The following CDH8 variants were observed in gnomAD, a reference collection of about 807,000 sequenced individuals.
CDH8 encodes the protein cadherin 8, also known as cadherin-8.
In CDH8, 17 loss-of-function variants were observed where a neutral mutation model predicts 68.1. The ratio of observed to expected loss-of-function variants is 0.25; its 90% CI spans 0.17 to 0.37. The LOEUF (loss-of-function observed/expected upper bound fraction) is 0.37, where lower values mean the gene tolerates loss of function less well. CDH8 is among the 10% of genes least tolerant of loss of function. The pLI is 1.00. For missense variants in CDH8, 763 were observed against 999.3 expected (o/e 0.76, Z 3.19); for synonymous variants, 372 against 365.1 (o/e 1.02, Z -0.21).
intron 2 of CDH8, among the ~76,000 whole-genome samples, chr16:61,924,575 T>C (rs1964427389): frequency 6.6e-6 from 1 of 152,122 alleles, no homozygotes; most frequent in African/African-American, 2.4e-5. Flanking sequence ...TGTGTTCTCG[T>C]GTGAAGGTTA....
Position 61,655,574 on chromosome 16 carries a change from T to C in CDH8, c.1802A>G (p.Asn601Ser), listed in dbSNP as rs140833890. ...TLTIRVCGCSNDGVVQSCNVE... is the reference protein window; with the variant it reads ...TLTIRVCGCSSDGVVQSCNVE... ...ATTGCAAGACTGGACGACACCGTCA[T>C]TGCTGCAGCCACAGACCCTGATTGT... The change falls in exon 11 of 12, where the codon AAT (asparagine) becomes AGT (serine). Residue 601 changes from asparagine to serine, a missense_variant. Physicochemically the swap from Asn to Ser is conservative, Grantham distance 46 (BLOSUM62 1). Coordinates refer to ENST00000577390, the MANE Select transcript of CDH8 (RefSeq NM_001796.5). 8 of 1,614,038 alleles carry C rather than the reference T, an allele frequency of 5.0e-6. No homozygotes were observed. Among genetic ancestry groups the C allele is most frequent in the Non-Finnish European group, 6.8e-6 (8 of 1,180,040 alleles).
chr16:61,722,169 A>T (rs1959224527), intron 9 of CDH8, among the ~76,000 whole-genome samples: 1 of 150,766 alleles, frequency 6.6e-6, no homozygotes, highest in Non-Finnish European at 1.5e-5. Context: ...CCATTCTTCT[A>T]ACAAACTGAG....
chr16:61,956,952 T>C (rs1287273598), intron 2 of CDH8, among the ~76,000 whole-genome samples: 1 of 152,212 alleles, frequency 6.6e-6, no homozygotes, highest in Non-Finnish European at 1.5e-5. Context: ...TTCAATAAAA[T>C]GCAGACGCTT....
At chr16:61,737,527 A>C (rs1216537546) in intron 8 of CDH8, among the ~76,000 whole-genome samples, 2 of 152,180 alleles carry the variant, frequency 1.3e-5, no homozygotes, top group African/African-American at 2.4e-5. Context: ...AAATAATGTC[A>C]ATAGTGGGGT....
intron 2 of CDH8, among the ~76,000 whole-genome samples, chr16:62,020,128 C>A (rs1332708107): frequency 6.6e-6 from 1 of 152,156 alleles, no homozygotes; most frequent in Non-Finnish European, 1.5e-5. Flanking sequence ...AGCAGTAATG[C>A]AATCAGAAGT....
chr16:61,927,929 G>A lies in CDH8; in HGVS notation c.253-26456C>T, dbSNP rs544787948. ...TAATACCTATCCCTACACTACATAC[G>A]AACACATGAGAGCTCCATTGCAATA... On this transcript the variant is annotated intron_variant, in intron 2 of 11. Coordinates refer to ENST00000577390, the MANE Select transcript of CDH8 (RefSeq NM_001796.5). Among the ~76,000 whole-genome samples the A allele has an allele frequency of 1.2e-4, 18 of 152,278 alleles. No individual in the cohort carries two copies. The East Asian group carries it at 3.1e-3, about 26-fold the overall frequency.
chr16:62,025,729 A>G (rs561161334), intron 1 of CDH8, among the ~76,000 whole-genome samples: 2 of 152,292 alleles, frequency 1.3e-5, no homozygotes, highest in East Asian at 1.9e-4. Flanking sequence ...TTAAATGGAA[A>G]GCTAATATTA....
At chr16:61,775,504 T>A (rs571558512) in intron 8 of CDH8, among the ~76,000 whole-genome samples, 1 of 152,060 alleles carries the variant, frequency 6.6e-6, no homozygotes. Flanking sequence ...AGATGACACT[T>A]CTCTAGCCCT....
intron 7 of CDH8, among the ~76,000 whole-genome samples, chr16:61,795,178 A>T (rs924781478): frequency 4.7e-5 from 7 of 148,538 alleles, no homozygotes; most frequent in African/African-American, 1.0e-4. Context: ...GAAAATACTT[A>T]AAAAAAAAGA....
chr16:61,919,433 T>G (rs568324651), intron 2 of CDH8, among the ~76,000 whole-genome samples: 1 of 146,710 alleles, frequency 6.8e-6, no homozygotes, highest in East Asian at 2.2e-4. Context: ...TTTAGGAGAA[T>G]GTATAACTAG....
intron 3 of CDH8, among the ~76,000 whole-genome samples, chr16:61,885,648 G>A (rs190291441): frequency 2.0e-5 from 3 of 147,094 alleles, no homozygotes; most frequent in African/African-American, 7.6e-5. Flanking sequence ...GGAATTGTTT[G>A]ATATTATTTC....
intron 2 of CDH8, 99 bp from the exon 3 acceptor site, chr16:61,901,572 A>G: frequency 2.6e-6 from 2 of 778,668 alleles, no homozygotes; most frequent in Non-Finnish European, 4.2e-6. Flanking sequence ...TTTTTACATA[A>G]CATCATCAAT....
intron 10 of CDH8, among the ~76,000 whole-genome samples, chr16:61,686,281 A>AT (rs984829575): frequency 2.6e-5 from 4 of 151,918 alleles, no homozygotes; most frequent in South Asian, 2.1e-4. Context: ...TAGCAGCATG[A>AT]TTTTTTTGCC....
chr16:61,826,306 T>C (rs1424491712), intron 4 of CDH8, among the ~76,000 whole-genome samples: 2 of 151,932 alleles, frequency 1.3e-5, no homozygotes, highest in Non-Finnish European at 2.9e-5. Flanking sequence ...CTCATATTGA[T>C]AAATATTGCA....
intron 2 of CDH8, among the ~76,000 whole-genome samples, chr16:61,908,861 C>T (rs533159259): frequency 8.5e-5 from 13 of 152,156 alleles, no homozygotes; most frequent in African/African-American, 2.2e-4. Context: ...AATAAGCATA[C>T]GAATACCCCA....
chr16:62,003,285 G>T lies in CDH8; in HGVS notation c.252+17867C>A, dbSNP rs183080585. 8.5e-3 allele frequency among the ~76,000 whole-genome samples: 1,295 copies of T among 152,154 alleles called. 16 individuals are homozygous for T. The highest frequency in any genetic ancestry group is 0.013 in the Non-Finnish European group (869 of 68,014). ...CAAATTCCATGTACTTCTAATCATA[G>T]GATTTATTTTAACCTTTGCAACAGT... is the stretch of plus-strand genomic sequence containing the variant. On this transcript the variant is annotated intron_variant, in intron 2 of 11. Coordinates refer to ENST00000577390, the MANE Select transcript of CDH8 (RefSeq NM_001796.5).
At chr16:61,869,070 T>C (rs554190249) in intron 3 of CDH8, among the ~76,000 whole-genome samples, 1 of 152,278 alleles carries the variant, frequency 6.6e-6, no homozygotes, top group Admixed American at 6.5e-5. Context: ...AGCAAGAAAA[T>C]TGAATAGATG....
chr16:61,789,377 C>G lies in CDH8; in HGVS notation c.1383G>C (p.Trp461Cys), dbSNP rs1231691261. The G allele has an allele frequency of 1.2e-6, 2 of 1,612,434 alleles. No individual in the cohort carries two copies. The highest frequency in any genetic ancestry group is 1.3e-5 in the African/African-American group (1 of 74,778). The change falls in exon 8 of 12, where the codon TGG becomes TGC. Residue 461 changes from tryptophan (W) to cysteine (C), a missense_variant. By Grantham distance (215) the Trp-to-Cys change is radical. Around this residue, in one of 2 missense-constraint regions of CDH8, gnomAD observed 397 missense variants for 436.2 expected, o/e 0.91. Transcript: ENST00000577390. ...CAGTAGCAATGATTGTTATGTTGTG[C>G]CATACACTTAATTCTCTGTCAAGTG... The part of the protein sequence containing the change: ...ATPLDRELSV[W>C]HNITIIATEI...
intron 11 of CDH8, 134 bp from the exon 12 acceptor site, chr16:61,654,235 AAATT>A: frequency 1.4e-6 from 1 of 710,138 alleles, no homozygotes; most frequent in Non-Finnish European, 2.3e-6. Flanking sequence ...ATTTACTAGA[AAATT>A]AAGCTAAACA....
Sources: allele counts gnomAD v4.1 joint callset (sites outside exome capture counted in the v4.1 genomes callset), GRCh38; gene constraint gnomAD v4.1.1; regional missense constraint gnomAD v4.1.1; transcripts MANE v1.5; gene names NCBI Gene and HGNC (gene_info 2026-07-23, HGNC 2026-07-21).